The following ZBTB49 variants were observed in gnomAD, a reference collection of about 807,000 sequenced individuals.
ZBTB49 encodes zinc finger and BTB domain-containing protein 49.
ZBTB49 carries 43 observed loss-of-function variants against 57.5 expected under a neutral mutation model. That is an observed-to-expected ratio of 0.75 (90% CI 0.59 to 0.97). The LOEUF is 0.97. Among genes scored for constraint, ZBTB49 ranks in the 50% least tolerant of loss-of-function variants. ZBTB49 has a pLI of 0.00. For synonymous variants in ZBTB49, 369 were observed against 362.1 expected (o/e 1.02, Z -0.22); for missense variants, 938 against 947.7 (o/e 0.99, Z 0.13).
chr4:4,302,032 C>T lies in ZBTB49; in HGVS notation c.196C>T (p.His66Tyr). 4 of 1,587,558 alleles carry T rather than the reference C, an allele frequency of 2.5e-6. No individual in the cohort carries two copies. The Admixed American group carries it at 5.3e-5, about 21-fold the overall frequency. Reference protein sequence around the residue: ...NSSSQKNDVFHLDVKNVSGIG... With the variant: ...NSSSQKNDVFYLDVKNVSGIG... ...TTCAAGCCAGAAGAATGATGTTTTT[C>T]ACTTGGATGTTAAAAATGTCAGTGG... Residue 66 changes from histidine to tyrosine, a missense_variant, in exon 3 of 8, where the codon CAC becomes TAC. Around this residue, in one of 3 missense-constraint regions of ZBTB49, gnomAD observed 100 missense variants for 112.5 expected, o/e 0.89. Coordinates refer to ENST00000337872, the MANE Select transcript of ZBTB49 (RefSeq NM_145291.4).
In ZBTB49 at chr4:4,321,509, C is replaced by G. The variant is rs1003290920; in HGVS notation, c.*193C>G. 2 of 637,704 alleles carry G rather than the reference C, an allele frequency of 3.1e-6. No homozygotes were observed. The highest frequency in any genetic ancestry group is 2.6e-6 in the Non-Finnish European group (1 of 378,570). The allele number at this position is 637,704 out of a possible 1,614,324, so 39.5% of individuals were successfully genotyped here. ...TGAGGGGGAGGGCCTGCTGGCTCAC[C>G]GTGAGGCAGCCGCGGGAGGGAGCGC... On this transcript the variant is annotated 3_prime_UTR_variant, in exon 8 of 8. Coordinates refer to ENST00000337872, the MANE Select transcript of ZBTB49 (RefSeq NM_145291.4).
chr4:4,302,591 T>C lies in ZBTB49; in HGVS notation c.755T>C (p.Val252Ala), dbSNP rs1720538847. Residue 252 changes from valine to alanine, a missense_variant, in exon 3 of 8, where the codon GTA becomes GCA. By Grantham distance (64) the Val-to-Ala change is moderately conservative. This residue lies in a region of ZBTB49 where 835 missense variants were observed against 819.1 expected (regional missense o/e 1.02). Coordinates refer to ENST00000337872, the MANE Select transcript of ZBTB49 (RefSeq NM_145291.4). ...AGCACCTCTACAGACCTTACCACGG[T>C]AGAGAGCCAGCCTTGTGCCGTCAGT... ...AFSTSTDLTTVESQPCAVSHS... is the reference protein window; with the variant it reads ...AFSTSTDLTTAESQPCAVSHS... 2 of 1,613,910 alleles carry C rather than the reference T, an allele frequency of 1.2e-6. No homozygotes were observed. Among genetic ancestry groups the C allele is most frequent in the South Asian group, 1.1e-5 (1 of 91,054 alleles).
chr4:4,320,865 C>G lies in ZBTB49; in HGVS notation c.1847C>G (p.Ser616Cys). 2 of 1,614,250 alleles carry G rather than the reference C, an allele frequency of 1.2e-6. No homozygotes were observed. Among genetic ancestry groups the G allele is most frequent in the Non-Finnish European group, 1.7e-6 (2 of 1,180,040 alleles). ...CTCGAGAAATCTCAGAGCTCAGACT[C>G]TTTCTCCCAAGACACGTCTGTGACG... ...SDLEKSQSSD[S>C]FSQDTSVTLM... The change falls in exon 8 of 8, where the codon TCT (serine) becomes TGT (cysteine). Residue 616 changes from serine (S) to cysteine (C), a missense_variant. Physicochemically the swap from Ser to Cys is moderately radical, Grantham distance 112 (BLOSUM62 -1). Transcript: ENST00000337872.
At chr4:4,307,579 A>G (rs1252593534) in intron 4 of ZBTB49, among the ~76,000 whole-genome samples, 1 of 152,158 alleles carries the variant, frequency 6.6e-6, no homozygotes, top group Non-Finnish European at 1.5e-5. Flanking sequence ...GGCACATAGT[A>G]AGCGCTCAAG....
chr4:4,291,390 G>A (rs2108861342), intron 1 of ZBTB49, among the ~76,000 whole-genome samples: 1 of 152,236 alleles, frequency 6.6e-6, no homozygotes, highest in African/African-American at 2.4e-5. Flanking sequence ...TTATGAGAAC[G>A]TCAGTCAGGT....
chr4:4,320,591 A>G, intron 7 of ZBTB49, 49 bp from the exon 8 acceptor site: 1 of 1,606,200 alleles, frequency 6.2e-7, no homozygotes, highest in South Asian at 1.1e-5. Flanking sequence ...CCTGGGCCAC[A>G]TAGTGAGACC....
At chr4:4,307,916 T>A (rs1008065526) in intron 4 of ZBTB49, among the ~76,000 whole-genome samples, 2 of 152,208 alleles carry the variant, frequency 1.3e-5, no homozygotes, top group Non-Finnish European at 2.9e-5. Flanking sequence ...ATCCTTCTCA[T>A]GCTTTCTCTG....
intron 7 of ZBTB49, among the ~76,000 whole-genome samples, chr4:4,320,395 G>C (rs1721357523): frequency 6.6e-6 from 1 of 152,022 alleles, no homozygotes; most frequent in Admixed American, 6.5e-5. Context: ...CTTGGGAGGG[G>C]AGGGGAGAAT....
chr4:4,317,680 A>G (rs1191512568), intron 7 of ZBTB49, among the ~76,000 whole-genome samples: 4 of 151,894 alleles, frequency 2.6e-5, no homozygotes, highest in Non-Finnish European at 4.4e-5. Flanking sequence ...TCTTGGATAT[A>G]TAGACAGTTC....
intron 4 of ZBTB49, among the ~76,000 whole-genome samples, chr4:4,306,694 C>G (rs1406814764): frequency 6.6e-6 from 1 of 152,194 alleles, no homozygotes; most frequent in Non-Finnish European, 1.5e-5. Flanking sequence ...TTGTTTTACC[C>G]TCCCATGGGC....
In ZBTB49 at chr4:4,307,622, G is replaced by A. The variant is rs374506440; in HGVS notation, c.1302+1438G>A. On this transcript the variant is annotated intron_variant, in intron 4 of 7. Coordinates refer to ENST00000337872, the MANE Select transcript of ZBTB49 (RefSeq NM_145291.4). ...AGCATTCCCTACCTTGTTGCCATCC[G>A]CTTTCTCCTCTCCTGTCCATCCTCA... is the stretch of plus-strand genomic sequence containing the variant. Among the ~76,000 whole-genome samples, 239 of 152,292 alleles carry A rather than the reference G, an allele frequency of 1.6e-3. 1 individual carries two copies. The highest frequency in any genetic ancestry group is 6.8e-3 in the Middle Eastern group (2 of 294).
intron 7 of ZBTB49, among the ~76,000 whole-genome samples, chr4:4,318,783 C>G (rs752236014): frequency 6.6e-6 from 1 of 151,904 alleles, no homozygotes; most frequent in Non-Finnish European, 1.5e-5. Context: ...CTCTAGTGTT[C>G]TGTGAAGGAG....
intron 1 of ZBTB49, among the ~76,000 whole-genome samples, chr4:4,291,714 A>G (rs756838668): frequency 6.6e-6 from 1 of 152,224 alleles, no homozygotes; most frequent in Non-Finnish European, 1.5e-5. Flanking sequence ...ATACTCAAAG[A>G]AAGTGAGCCC....
chr4:4,321,036 AT>A lies in ZBTB49; in HGVS notation c.2019del (p.Pro674LeufsTer38), dbSNP rs1209486266. On this transcript the variant is annotated frameshift_variant, in exon 8 of 8. Coordinates refer to ENST00000337872, the MANE Select transcript of ZBTB49 (RefSeq NM_145291.4). LOFTEE classifies it low-confidence loss of function (END_TRUNC). Reference sequence around the variant, plus strand: ...AGTGACCAGGAGAAGCTGAGTTTGGATCCTGGTAAACTTGCCAAGCCCCAGA... The same window carrying A: ...AGTGACCAGGAGAAGCTGAGTTTGGACCTGGTAAACTTGCCAAGCCCCAGA... ...GVSDQEKLSL[D>X]PGKLAKPQMQ... 1 of 1,614,144 alleles carries A rather than the reference AT, an allele frequency of 6.2e-7. No individual in the cohort carries two copies. Among genetic ancestry groups the A allele is most frequent in the Non-Finnish European group, 8.5e-7 (1 of 1,180,030 alleles).
chr4:4,292,173 C>T (rs1719972812), intron 1 of ZBTB49, among the ~76,000 whole-genome samples: 2 of 151,890 alleles, frequency 1.3e-5, no homozygotes, highest in Admixed American at 6.6e-5. Context: ...CCCAGCTACT[C>T]GGGAGGCTGA....
chr4:4,314,618 C>T (rs1264129333), intron 5 of ZBTB49, among the ~76,000 whole-genome samples: 10 of 152,322 alleles, frequency 6.6e-5, no homozygotes, highest in African/African-American at 2.2e-4. Context: ...GTGATACACC[C>T]GCCTCTGCCT....
At chr4:4,308,381 A>G (rs747774828) in intron 4 of ZBTB49, among the ~76,000 whole-genome samples, 1 of 152,158 alleles carries the variant, frequency 6.6e-6, no homozygotes, top group African/African-American at 2.4e-5. Flanking sequence ...CCAGCCACGT[A>G]TCAGTATTTT....
At chr4:4,317,261 C>T (rs531189854) in intron 7 of ZBTB49, among the ~76,000 whole-genome samples, 1 of 152,296 alleles carries the variant, frequency 6.6e-6, no homozygotes, top group East Asian at 1.9e-4. Context: ...ATGAGGTCAG[C>T]TTCTGGGGGA....
At chr4:4,318,840 G>A (rs1279436680) in intron 7 of ZBTB49, among the ~76,000 whole-genome samples, 1 of 151,508 alleles carries the variant, frequency 6.6e-6, no homozygotes, top group African/African-American at 2.4e-5. Flanking sequence ...AAGCACAAAG[G>A]CAAAGGTCAC....
Sources: allele counts gnomAD v4.1 joint callset (sites outside exome capture counted in the v4.1 genomes callset), GRCh38; gene constraint gnomAD v4.1.1; regional missense constraint gnomAD v4.1.1; transcripts MANE v1.5; gene names NCBI Gene and HGNC (gene_info 2026-07-23, HGNC 2026-07-21).